Variants in CCDC81 observed in about 807,000 individuals in gnomAD.
CCDC81 encodes coiled-coil domain containing 81.
A neutral mutation model predicts 83.7 loss-of-function variants in CCDC81; 79 were observed. The ratio of observed to expected loss-of-function variants is 0.94; its 90% CI spans 0.79 to 1.14. CCDC81 has a LOEUF of 1.14. Among genes scored for constraint, CCDC81 ranks in the 50% most tolerant of loss-of-function variants. CCDC81 has a pLI of 0.00. For missense variants in CCDC81, 791 were observed against 778.1 expected (o/e 1.02, Z -0.20); for synonymous variants, 252 against 278.1 (o/e 0.91, Z 0.93).
chr11:86,383,671 A>G (rs1157384674), intron 1 of CCDC81, among the ~76,000 whole-genome samples: 4 of 152,190 alleles, frequency 2.6e-5, no homozygotes, highest in African/African-American at 4.8e-5. Context: ...TATATCCTTC[A>G]ATTTGCTTTT....
intron 13 of CCDC81, 186 bp from the exon 14 acceptor site, chr11:86,419,742 A>T (rs1359726051): frequency 4.3e-6 from 2 of 469,208 alleles, no homozygotes; most frequent in Non-Finnish European, 7.0e-6. Context: ...AAGACCTTTG[A>T]TCCATAAATT....
At chr11:86,380,850 T>C (rs537131238) in intron 1 of CCDC81, among the ~76,000 whole-genome samples, 1 of 152,260 alleles carries the variant, frequency 6.6e-6, no homozygotes, top group Non-Finnish European at 1.5e-5. Context: ...GTCTACTATA[T>C]CCGTTAGAGC....
In CCDC81 at chr11:86,374,949, G is replaced by A. The variant is rs1450995694; in HGVS notation, c.-215G>A. ...TGGGAGCTGCCCGAGAGCCAGAGCA[G>A]TGGGGAGGGACGGCGAGAACCAATG... On this transcript the variant is annotated 5_prime_UTR_variant, in exon 1 of 15. The change creates a new upstream start codon in the 5' untranslated region. Transcript: ENST00000445632. The A allele has an allele frequency of 5.6e-6, 3 of 531,392 alleles. No individual in the cohort carries two copies. The highest frequency in any genetic ancestry group is 1.9e-5 in the African/African-American group (1 of 52,182). The allele number at this position is 531,392 out of a possible 1,614,324, so 32.9% of individuals were successfully genotyped here.
chr11:86,409,199 G>A, intron 9 of CCDC81, 62 bp from the exon 10 acceptor site: 2 of 779,194 alleles, frequency 2.6e-6, no homozygotes, highest in Non-Finnish European at 3.7e-6. Flanking sequence ...AATTTTTGGG[G>A]GCTCCACTTC....
chr11:86,383,586 A>G (rs1948201509), intron 1 of CCDC81, among the ~76,000 whole-genome samples: 1 of 152,216 alleles, frequency 6.6e-6, no homozygotes, highest in African/African-American at 2.4e-5. Flanking sequence ...AGTTCTTTAT[A>G]AGAGTGATTC....
At chr11:86,414,926 A>C (rs1948695503) in intron 12 of CCDC81, 59 bp downstream of exon 12, 4 of 1,457,720 alleles carry the variant, frequency 2.7e-6, no homozygotes, top group Admixed American at 4.0e-5. Flanking sequence ...AACATCCTAA[A>C]ATATGTGTAA....
chr11:86,415,273 C>G lies in CCDC81; in HGVS notation c.1651C>G (p.Gln551Glu), dbSNP rs1229203404. 1 of 1,614,080 alleles carries G rather than the reference C, an allele frequency of 6.2e-7. No homozygotes were observed. Among genetic ancestry groups the G allele is most frequent in the Non-Finnish European group, 8.5e-7 (1 of 1,179,998 alleles). ...AGCCATCCTGCATCAACTAGTGGAC[C>G]AGAGGCGGGATTTGCAAATGCTTCA... is the stretch of plus-strand genomic sequence containing the variant. ...RKAILHQLVD[Q>E]RRDLQMLQRT... Residue 551 changes from glutamine to glutamate, a missense_variant, in exon 13 of 15, where the codon CAG (glutamine) becomes GAG (glutamate). Transcript: ENST00000445632.
chr11:86,382,792 C>G (rs1948192290), intron 1 of CCDC81, among the ~76,000 whole-genome samples: 1 of 152,000 alleles, frequency 6.6e-6, no homozygotes, highest in Non-Finnish European at 1.5e-5. Flanking sequence ...AATGGCCAGA[C>G]AGTTAGGAGA....
At chr11:86,377,038 A>G (rs1948107581) in intron 1 of CCDC81, among the ~76,000 whole-genome samples, 1 of 152,192 alleles carries the variant, frequency 6.6e-6, no homozygotes, top group Admixed American at 6.5e-5. Context: ...TTGGAATCAT[A>G]TAGTTTAAGC....
chr11:86,391,819 G>T (rs1948333239), intron 3 of CCDC81, among the ~76,000 whole-genome samples: 1 of 152,206 alleles, frequency 6.6e-6, no homozygotes, highest in Non-Finnish European at 1.5e-5. Flanking sequence ...AAGAAAAGAG[G>T]TTTAACTGAC....
At chr11:86,381,140 C>T (rs1470002754) in intron 1 of CCDC81, among the ~76,000 whole-genome samples, 1 of 152,170 alleles carries the variant, frequency 6.6e-6, no homozygotes, top group African/African-American at 2.4e-5. Flanking sequence ...TGCCTCTGGA[C>T]TGTGAACTTT....
intron 10 of CCDC81, 66 bp downstream of exon 10, chr11:86,409,431 T>A (rs2138532140): frequency 1.4e-6 from 1 of 724,388 alleles, no homozygotes; most frequent in East Asian, 2.9e-5. Context: ...ATCCACTCCC[T>A]GTGTTGCAGG....
Position 86,400,651 on chromosome 11 carries a change from C to T in CCDC81, c.758-27C>T, listed in dbSNP as rs374349667. 2.9e-5 allele frequency: 45 copies of T among 1,569,208 alleles called. No homozygotes were observed. The South Asian group carries it at 4.3e-4, about 15-fold the overall frequency. On this transcript the variant is annotated intron_variant, in intron 6 of 14. Coordinates refer to ENST00000445632, the MANE Select transcript of CCDC81 (RefSeq NM_001156474.2). ...GTGGTTTGAGAGTTGAAAGGAGACTCGTTTTCATTCATTCTTTATTCTACA... is the reference window on the plus strand; with the variant it reads ...GTGGTTTGAGAGTTGAAAGGAGACTTGTTTTCATTCATTCTTTATTCTACA...
In CCDC81 at chr11:86,392,758, C is replaced by T. The variant is rs1948351195; in HGVS notation, c.516C>T (p.Thr172=). ...KMRFYKDFLC[T]MDGSGALAKA... ...GGTTTTATAAAGACTTCCTTTGTAC[C>T]ATGGATGGAAGTGGGGCTTTGGCAA... The change falls in exon 4 of 15, where the codon ACC becomes ACT. Residue 172 remains threonine, a synonymous_variant. Coordinates refer to ENST00000445632, the MANE Select transcript of CCDC81 (RefSeq NM_001156474.2). The T allele has an allele frequency of 6.4e-7, 1 of 1,551,382 alleles. No homozygotes were observed. Among genetic ancestry groups the T allele is most frequent in the African/African-American group, 1.4e-5 (1 of 72,998 alleles).
At chr11:86,422,551 G>C in intron 14 of CCDC81, 23 bp from the exon 15 acceptor site, 2 of 1,598,430 alleles carry the variant, frequency 1.3e-6, no homozygotes, top group South Asian at 1.1e-5. Context: ...CCTGCTGATC[G>C]GCATTTGCTC....
intron 1 of CCDC81, among the ~76,000 whole-genome samples, chr11:86,382,956 C>T (rs1394334166): frequency 6.6e-6 from 1 of 152,094 alleles, no homozygotes; most frequent in African/African-American, 2.4e-5. Context: ...TCAGCAAGAG[C>T]TGAAGTGAAA....
At chr11:86,397,407 T>C (rs959310974) in intron 5 of CCDC81, among the ~76,000 whole-genome samples, 1 of 152,168 alleles carries the variant, frequency 6.6e-6, no homozygotes, top group Non-Finnish European at 1.5e-5. Flanking sequence ...TTTGAGACTA[T>C]GGTATAGAGG....
In CCDC81 at chr11:86,395,404, C is replaced by T. The variant is rs377360756; in HGVS notation, c.626C>T (p.Ala209Val). ...ALRKWPSSVL[A>V]FPRIELKEME... ...AGGAAGTGGCCCAGCAGTGTGCTTG[C>T]GTTTCCAAGGTGAGTGCTTTGCTTC... The change falls in exon 5 of 15, where the codon GCG becomes GTG. Residue 209 changes from alanine to valine, a missense_variant. Ala to Val is a moderately conservative substitution (Grantham distance 64, BLOSUM62 0). Transcript: ENST00000445632. 2.4e-5 allele frequency: 39 copies of T among 1,613,818 alleles called. No individual in the cohort carries two copies. The highest frequency in any genetic ancestry group is 2.4e-4 in the African/African-American group (18 of 75,028).
intron 7 of CCDC81, among the ~76,000 whole-genome samples, chr11:86,402,186 T>C (rs1948501572): frequency 6.6e-6 from 1 of 150,548 alleles, no homozygotes; most frequent in African/African-American, 2.4e-5. Context: ...TTTGTGCTGA[T>C]TACTAAAACA....
Sources: gnomAD v4.1 joint callset for allele counts (sites outside exome capture counted in the v4.1 genomes callset) on GRCh38, gnomAD v4.1.1 for gene constraint, MANE v1.5 for transcripts, NCBI Gene and HGNC (gene_info 2026-07-23, HGNC 2026-07-21) for gene names.